Variants in HELZ observed in about 807,000 individuals in gnomAD.
HELZ encodes the protein helicase with zinc finger.
HELZ carries 23 observed loss-of-function variants against 218.2 expected under a neutral mutation model. The ratio of observed to expected loss-of-function variants is 0.11; its 90% CI spans 0.08 to 0.15. The LOEUF is 0.15. HELZ is among the 10% of genes least tolerant of loss of function. HELZ has a pLI of 1.00. For missense variants in HELZ, 1,813 were observed against 2,353.7 expected (o/e 0.77, Z 4.75); for synonymous variants, 814 against 829.4 (o/e 0.98, Z 0.32).
chr17:67,078,455 C>G lies in HELZ; in HGVS notation c.5626G>C (p.Ala1876Pro). Residue 1876 changes from alanine to proline, a missense_variant, in exon 33 of 33, where the codon GCG becomes CCG. Physicochemically the swap from Ala to Pro is conservative, Grantham distance 27. Coordinates refer to ENST00000358691, the MANE Select transcript of HELZ (RefSeq NM_014877.4). ...FPPLMPNKQI[A>P]ESANSSSPQS... ...GGGCTACTGCTATTGGCCGACTCCG[C>G]GATCTGCTTGTTAGGCATAAGGGGT... 2 of 1,591,966 alleles carry G rather than the reference C, an allele frequency of 1.3e-6. No homozygotes were observed. The highest frequency in any genetic ancestry group is 1.7e-6 in the Non-Finnish European group (2 of 1,171,396).
intron 3 of HELZ, among the ~76,000 whole-genome samples, chr17:67,230,817 G>A (rs2041018270): frequency 6.6e-6 from 1 of 151,986 alleles, no homozygotes; most frequent in Non-Finnish European, 1.5e-5. Context: ...AACAGATTAT[G>A]TTCTAATGCT....
At position 67,108,892 on chromosome 17, in the gene HELZ, G is replaced by A. The variant is rs1295777749; in HGVS notation, c.4490-166C>T. Reference sequence around the variant, plus strand: ...AAATTTGCCAGAAATCAGTTATGGTGATGATGATGACAACTCTTCCTCACT... The same window carrying A: ...AAATTTGCCAGAAATCAGTTATGGTAATGATGATGACAACTCTTCCTCACT... On this transcript the variant is annotated intron_variant, in intron 29 of 32. Transcript: ENST00000358691. This position sits in a 1 kb window ranked among gnomAD's most constrained non-coding sequence, Gnocchi z 4.1. Among the ~76,000 whole-genome samples the A allele has an allele frequency of 6.6e-6, 1 of 152,152 alleles. No homozygotes were observed. Among genetic ancestry groups the A allele is most frequent in the Non-Finnish European group, 1.5e-5 (1 of 68,030 alleles).
chr17:67,240,695 C>CT (rs2041294819), intron 2 of HELZ, among the ~76,000 whole-genome samples: 2 of 152,280 alleles, frequency 1.3e-5, no homozygotes, highest in Middle Eastern at 3.4e-3. Context: ...GCCATGCATT[C>CT]TTTGAAGAAC....
At chr17:67,121,137 GGTC>G (rs1259083509) in intron 26 of HELZ, among the ~76,000 whole-genome samples, 2 of 152,124 alleles carry the variant, frequency 1.3e-5, no homozygotes, top group Admixed American at 6.6e-5. Flanking sequence ...AATTCAAATA[GGTC>G]ATCTGTGCTT....
intron 32 of HELZ, among the ~76,000 whole-genome samples, chr17:67,079,981 G>A (rs1390693505): frequency 6.6e-6 from 1 of 152,020 alleles, no homozygotes; most frequent in Non-Finnish European, 1.5e-5. Flanking sequence ...CCCTTTTAAT[G>A]TTATTTATAA....
chr17:67,142,577 C>A (rs2038362446), intron 21 of HELZ, among the ~76,000 whole-genome samples: 1 of 151,954 alleles, frequency 6.6e-6, no homozygotes, highest in South Asian at 2.1e-4. Context: ...CAATAATATG[C>A]TGTCTATAGA....
chr17:67,123,516 A>G (rs1214824479), intron 25 of HELZ, among the ~76,000 whole-genome samples: 2 of 152,332 alleles, frequency 1.3e-5, no homozygotes, highest in African/African-American at 2.4e-5. Flanking sequence ...GTTTTGACTT[A>G]CAACTGTAAC....
rs1284685469 is a variant in HELZ at position 67,120,617 on chromosome 17, G to A, written c.3631-5C>T. On this transcript the variant is annotated splice_region_variant and splice_polypyrimidine_tract_variant and intron_variant, in intron 26 of 32. Transcript: ENST00000358691. Reference sequence around the variant, plus strand: ...CTGGTATCCTGTCCATGGTACCTAGGTTATTAAAAAATAAAATACATGCAT... The same window carrying A: ...CTGGTATCCTGTCCATGGTACCTAGATTATTAAAAAATAAAATACATGCAT... 1 of 1,604,898 alleles carries A rather than the reference G, an allele frequency of 6.2e-7. No homozygotes were observed. The highest frequency in any genetic ancestry group is 8.5e-7 in the Non-Finnish European group (1 of 1,173,344).
At chr17:67,153,626 G>T (rs746045086) in intron 17 of HELZ, among the ~76,000 whole-genome samples, 1 of 152,106 alleles carries the variant, frequency 6.6e-6, no homozygotes, top group Non-Finnish European at 1.5e-5. Context: ...TGAGATAACA[G>T]ATGTATAATA....
intron 3 of HELZ, among the ~76,000 whole-genome samples, chr17:67,227,179 TA>T (rs1205817990): frequency 2.0e-5 from 3 of 151,856 alleles, no homozygotes; most frequent in Non-Finnish European, 4.4e-5. Flanking sequence ...AAATATGACC[TA>T]AATGTCACAT....
At chr17:67,128,563 T>TA in intron 24 of HELZ, 88 bp downstream of exon 24, 1 of 1,174,904 alleles carries the variant, frequency 8.5e-7, no homozygotes, top group South Asian at 1.3e-5. Flanking sequence ...TTCCAACACT[T>TA]AAAGTAACTT....
chr17:67,114,511 C>T (rs2037373841), intron 27 of HELZ, 108 bp from the exon 28 acceptor site: 1 of 701,846 alleles, frequency 1.4e-6, no homozygotes, highest in African/African-American at 1.8e-5. Flanking sequence ...CACTTTTCAC[C>T]CATTATGATC....
chr17:67,138,468 C>G (rs888966499), intron 21 of HELZ, among the ~76,000 whole-genome samples: 1 of 152,104 alleles, frequency 6.6e-6, no homozygotes, highest in African/African-American at 2.4e-5. Flanking sequence ...TCTCACAGCC[C>G]CAGTAATTCT....
At chr17:67,129,070 T>C (rs2037894081) in intron 23 of HELZ, among the ~76,000 whole-genome samples, 1 of 152,128 alleles carries the variant, frequency 6.6e-6, no homozygotes, top group Admixed American at 6.5e-5. Context: ...ATAGTACATA[T>C]AAAACAGGCT....
chr17:67,088,117 C>T (rs2143595901), intron 31 of HELZ, among the ~76,000 whole-genome samples: 2 of 152,302 alleles, frequency 1.3e-5, no homozygotes, highest in Middle Eastern at 3.4e-3. Context: ...GTTCTTGGCA[C>T]ACAGGAAGGG....
chr17:67,114,642 T>G (rs1182608912), intron 27 of HELZ, among the ~76,000 whole-genome samples: 1 of 152,166 alleles, frequency 6.6e-6, no homozygotes, highest in Non-Finnish European at 1.5e-5. Context: ...GGGAAAAACC[T>G]TAAAGCATCA....
chr17:67,235,472 T>G (rs2041153440), intron 3 of HELZ, among the ~76,000 whole-genome samples: 1 of 149,076 alleles, frequency 6.7e-6, no homozygotes, highest in African/African-American at 2.5e-5. Context: ...GTCACTGTAC[T>G]CCAGCCTGGG....
intron 5 of HELZ, 38 bp from the exon 6 acceptor site, chr17:67,203,481 T>C (rs372357037): frequency 6.2e-7 from 1 of 1,605,912 alleles, no homozygotes; most frequent in Non-Finnish European, 8.5e-7. Flanking sequence ...CCATATGACA[T>C]TTAATGCACA....
rs1598401987 is a variant in HELZ at position 67,193,958 on chromosome 17, T to C, written c.557+9A>G. The stretch of plus-strand genomic sequence containing the variant: ...TGTCATTGTTTAAAAACAAAAAAAT[T>C]CACATTACCTTTTACACAAAGTATA... On this transcript the variant is annotated intron_variant, in intron 9 of 32. Coordinates refer to ENST00000358691, the MANE Select transcript of HELZ (RefSeq NM_014877.4). 3.1e-6 allele frequency: 5 copies of C among 1,610,418 alleles called. No individual in the cohort carries two copies. The highest frequency in any genetic ancestry group is 4.2e-6 in the Non-Finnish European group (5 of 1,177,700).
Sources: gnomAD v4.1 joint callset for allele counts (sites outside exome capture counted in the v4.1 genomes callset) on GRCh38, gnomAD v4.1.1 for gene constraint, Gnocchi (gnomAD v3.1) non-coding constraint, MANE v1.5 for transcripts, NCBI Gene and HGNC (gene_info 2026-07-23, HGNC 2026-07-21) for gene names.